PIWIL2: variants seen among roughly 807,000 people sequenced by gnomAD.
PIWIL2 encodes the protein piwi like RNA-mediated gene silencing 2, also known as piwi-like protein 2.
PIWIL2 carries 81 observed loss-of-function variants against 116.5 expected under a neutral mutation model. The ratio of observed to expected loss-of-function variants is 0.70; its 90% CI spans 0.58 to 0.84. The LOEUF (loss-of-function observed/expected upper bound fraction) is 0.84, where lower values mean the gene tolerates loss of function less well. PIWIL2 is among the 40% of genes least tolerant of loss of function. The pLI, the probability that PIWIL2 is intolerant of heterozygous loss-of-function variation, is 0.00. For missense variants in PIWIL2, 1,272 were observed against 1,212.3 expected (o/e 1.05, Z -0.73); for synonymous variants, 489 against 429.5 (o/e 1.14, Z -1.71).
chr8:22,286,685 A>G (rs1830636572), intron 6 of PIWIL2, among the ~76,000 whole-genome samples: 1 of 152,292 alleles, frequency 6.6e-6, no homozygotes, highest in Middle Eastern at 3.4e-3. Context: ...GCAGTGGCAC[A>G]GTCTTGCCTC....
intron 20 of PIWIL2, among the ~76,000 whole-genome samples, chr8:22,338,410 G>T (rs1832029400): frequency 6.6e-6 from 1 of 152,148 alleles, no homozygotes; most frequent in South Asian, 2.1e-4. Context: ...AACATTAATG[G>T]CCAGGTGGGG....
chr8:22,320,434 ATTTTT>A, intron 20 of PIWIL2, among the ~76,000 whole-genome samples: 1 of 145,944 alleles, frequency 6.9e-6, no homozygotes, highest in East Asian at 2.0e-4. Flanking sequence ...GACCCAGGTA[ATTTTT>A]TTTTTTATTT....
chr8:22,346,235 A>G (rs1832223869), intron 20 of PIWIL2, among the ~76,000 whole-genome samples: 1 of 152,174 alleles, frequency 6.6e-6, no homozygotes, highest in Non-Finnish European at 1.5e-5. Context: ...AAAAATAATA[A>G]TAGTAAAGTA....
chr8:22,353,354 A>G (rs1208416499), intron 21 of PIWIL2, 142 bp downstream of exon 21: 3 of 766,908 alleles, frequency 3.9e-6, no homozygotes. Flanking sequence ...TGAAGGTTTA[A>G]AAAATATTTA....
Position 22,288,975 on chromosome 8 carries a change from G to T in PIWIL2, c.986+309G>T, listed in dbSNP as rs187668135. ...ATTTAATGGTGACGGTAACAAGGGG[G>T]CTACTTAAAGAGGTTGTGTGTAAAA... On this transcript the variant is annotated intron_variant, in intron 8 of 22. Transcript: ENST00000356766. Among the ~76,000 whole-genome samples the T allele has an allele frequency of 1.7e-3, 260 of 152,236 alleles. 2 individuals carry two copies. The highest frequency in any genetic ancestry group is 6.2e-3 in the South Asian group (30 of 4,826).
chr8:22,327,024 C>CTTTTTTTTTTTTTTT (rs71544876), intron 20 of PIWIL2, among the ~76,000 whole-genome samples: 1 of 105,470 alleles, frequency 9.5e-6, no homozygotes, highest in Non-Finnish European at 1.8e-5. Flanking sequence ...TGTTTTTTTA[C>CTTTTTTTTTTTTTTT]TTTTTTTTTT....
At chr8:22,286,704 C>T (rs1478635725) in intron 6 of PIWIL2, among the ~76,000 whole-genome samples, 1 of 152,126 alleles carries the variant, frequency 6.6e-6, no homozygotes. Flanking sequence ...TCAGTGCTAC[C>T]TCCATCTCCC....
chr8:22,309,258 C>T lies in PIWIL2; in HGVS notation c.1687-703C>T, dbSNP rs189580573. Among the ~76,000 whole-genome samples, 278 of 152,170 alleles carry T rather than the reference C, an allele frequency of 1.8e-3. 2 individuals carry two copies. Among genetic ancestry groups the T allele is most frequent in the Non-Finnish European group, 2.7e-3 (186 of 68,006 alleles). ...TACAGGTGTTAGCCACCACACCCGG[C>T]CCCCTTGGATATTAAGTCCAATTTA... On this transcript the variant is annotated intron_variant, in intron 14 of 22. Transcript: ENST00000356766.
intron 6 of PIWIL2, among the ~76,000 whole-genome samples, chr8:22,285,405 C>G (rs1306362030): frequency 6.6e-6 from 1 of 152,166 alleles, no homozygotes; most frequent in Non-Finnish European, 1.5e-5. Context: ...ACAGGATGTA[C>G]TTCTTTTTAA....
Position 22,288,643 on chromosome 8 carries a change from C to G in PIWIL2, c.963C>G (p.Pro321=). 1 of 1,611,002 alleles carries G rather than the reference C, an allele frequency of 6.2e-7. No individual in the cohort carries two copies. The highest frequency in any genetic ancestry group is 8.5e-7 in the Non-Finnish European group (1 of 1,178,544). The change falls in exon 8 of 23, where the codon CCC becomes CCG. Residue 321 remains proline, a synonymous_variant. Transcript: ENST00000356766. ...AGCCCTGCTCTGACCTGTGCATTCC[C>G]TTCTACAATGTTGTTTTCCGTCGGT... ...ILEPCSDLCI[P]FYNVVFRRVM... is the part of the protein sequence containing the mutation.
intron 16 of PIWIL2, among the ~76,000 whole-genome samples, chr8:22,312,369 A>G (rs764437088): frequency 3.3e-5 from 5 of 152,050 alleles, no homozygotes; most frequent in South Asian, 2.1e-4. Context: ...GGCTCAAGCA[A>G]TCCTTCCGCC....
chr8:22,323,187 G>A (rs574885080), intron 20 of PIWIL2, among the ~76,000 whole-genome samples: 3 of 108,262 alleles, frequency 2.8e-5, no homozygotes, highest in South Asian at 3.2e-4. Flanking sequence ...TTGCTCTGTC[G>A]CCCAGGCTGG....
chr8:22,299,284 C>T (rs1830988089), intron 10 of PIWIL2, among the ~76,000 whole-genome samples: 1 of 150,988 alleles, frequency 6.6e-6, no homozygotes. Flanking sequence ...GATCTTGGCT[C>T]ACTGCAACCT....
intron 20 of PIWIL2, among the ~76,000 whole-genome samples, chr8:22,351,180 G>A (rs887484756): frequency 2.1e-4 from 32 of 151,170 alleles, no homozygotes; most frequent in South Asian, 1.5e-3. Flanking sequence ...ATTAACTGGC[G>A]TAGTGACAAG....
chr8:22,315,637 C>T (rs1280897014), intron 18 of PIWIL2, among the ~76,000 whole-genome samples: 2 of 151,728 alleles, frequency 1.3e-5, no homozygotes, highest in Admixed American at 6.6e-5. Context: ...TTTTAAATGG[C>T]GGAAAAAATA....
chr8:22,330,696 C>G (rs907891229), intron 20 of PIWIL2, among the ~76,000 whole-genome samples: 1 of 75,888 alleles, frequency 1.3e-5, no homozygotes, highest in Non-Finnish European at 2.9e-5. Flanking sequence ...GACTCTGTCT[C>G]AAAATAAATA....
chr8:22,354,913 T>C (rs958329997), intron 22 of PIWIL2, among the ~76,000 whole-genome samples: 9 of 151,798 alleles, frequency 5.9e-5, no homozygotes, highest in African/African-American at 1.9e-4. Context: ...CTACTAAAAA[T>C]AGAAAAATTA....
rs1220607575 is a variant in PIWIL2 at position 22,287,616 on chromosome 8, A to G, written c.832A>G (p.Ile278Val). ...CAACGTCACTGCGTTTGATGGATCT[A>G]TTCTCTATCTGCCTGTTAAGCTTCA... ...TGNVTAFDGS[I>V]LYLPVKLQQV... Residue 278 changes from isoleucine (I) to valine (V), a missense_variant, in exon 7 of 23, where the codon ATT becomes GTT. Ile to Val is a conservative substitution (Grantham distance 29). Coordinates refer to ENST00000356766, the MANE Select transcript of PIWIL2 (RefSeq NM_018068.5). 1.9e-5 allele frequency: 30 copies of G among 1,610,200 alleles called. No individual in the cohort carries two copies. The highest frequency in any genetic ancestry group is 2.4e-5 in the Non-Finnish European group (28 of 1,176,470).
chr8:22,285,013 T>C (rs1441061987), intron 6 of PIWIL2, among the ~76,000 whole-genome samples: 2 of 152,208 alleles, frequency 1.3e-5, no homozygotes, highest in Non-Finnish European at 2.9e-5. Context: ...TTTTGGTATA[T>C]GTATACATTG....
Sources: allele counts gnomAD v4.1 joint callset (sites outside exome capture counted in the v4.1 genomes callset), GRCh38; gene constraint gnomAD v4.1.1; transcripts MANE v1.5; gene names NCBI Gene and HGNC (gene_info 2026-07-23, HGNC 2026-07-21).